Variants in PTPRM observed in about 807,000 individuals in gnomAD.
PTPRM encodes the protein receptor-type tyrosine-protein phosphatase mu.
PTPRM carries 47 observed loss-of-function variants against 186.7 expected under a neutral mutation model. That is an observed-to-expected ratio of 0.25 (90% CI 0.20 to 0.32). The LOEUF is 0.32. PTPRM is among the 10% of genes least tolerant of loss of function. The pLI is 1.00. For missense variants in PTPRM, 1,494 were observed against 1,865.0 expected, an observed-to-expected ratio of 0.80 and a Z score of 3.66; for synonymous variants, 668 against 674.9, an observed-to-expected ratio of 0.99 and a Z score of 0.16.
intron 7 of PTPRM, among the ~76,000 whole-genome samples, chr18:8,016,552 A>G (rs1047186528): frequency 2.2e-4 from 33 of 150,992 alleles, no homozygotes; most frequent in African/African-American, 6.4e-4. Flanking sequence ...AAAAAGAAAA[A>G]AAAGAAAAGA....
At chr18:7,833,438 G>A (rs1259789506) in intron 2 of PTPRM, among the ~76,000 whole-genome samples, 1 of 152,056 alleles carries the variant, frequency 6.6e-6, no homozygotes, top group Non-Finnish European at 1.5e-5. Flanking sequence ...GTATAGGAAT[G>A]CATATTGATT....
intron 14 of PTPRM, among the ~76,000 whole-genome samples, chr18:8,164,940 G>A (rs1319578729): frequency 6.6e-6 from 1 of 152,172 alleles, no homozygotes. Context: ...CAAGGTGGGC[G>A]GATCACTAGG....
intron 2 of PTPRM, among the ~76,000 whole-genome samples, chr18:7,794,365 A>G (rs1391207251): frequency 1.3e-5 from 2 of 152,204 alleles, no homozygotes; most frequent in African/African-American, 4.8e-5. Flanking sequence ...GCCTGTCTGT[A>G]TGCTCCCCTA....
At chr18:8,221,931 A>G (rs2094158029) in intron 14 of PTPRM, among the ~76,000 whole-genome samples, 1 of 152,194 alleles carries the variant, frequency 6.6e-6, no homozygotes, top group South Asian at 2.1e-4. Context: ...ACCACACTGT[A>G]CCCAGTTCAT....
chr18:7,753,925 C>T (rs1328339568), intron 1 of PTPRM, among the ~76,000 whole-genome samples: 2 of 151,806 alleles, frequency 1.3e-5, no homozygotes, highest in East Asian at 1.9e-4. Flanking sequence ...CTCACCTTTT[C>T]CCCCCTTCTC....
intron 5 of PTPRM, among the ~76,000 whole-genome samples, chr18:7,928,648 A>G (rs1367837427): frequency 1.3e-5 from 2 of 152,226 alleles, no homozygotes; most frequent in African/African-American, 4.8e-5. Flanking sequence ...TATTTATGAT[A>G]TTACTTGAGA....
chr18:7,906,859 G>T (rs893993164), intron 4 of PTPRM, among the ~76,000 whole-genome samples: 1 of 152,156 alleles, frequency 6.6e-6, no homozygotes, highest in African/African-American at 2.4e-5. Context: ...CTGTTTATTT[G>T]TTGCCGTGGT....
At chr18:7,609,874 A>T (rs139703177) in intron 1 of PTPRM, among the ~76,000 whole-genome samples, 1 of 152,308 alleles carries the variant, frequency 6.6e-6, no homozygotes, top group African/African-American at 2.4e-5. Context: ...AATTTTGCTA[A>T]TGATGGCTGC....
intron 13 of PTPRM, among the ~76,000 whole-genome samples, chr18:8,120,911 C>A (rs16952902): frequency 0.047 from 7,115 of 152,168 alleles, 229 homozygotes; most frequent in Middle Eastern, 0.17. Flanking sequence ...TAGTCTATGA[C>A]CAAACAAAAA....
intron 11 of PTPRM, among the ~76,000 whole-genome samples, chr18:8,107,124 T>C (rs931787208): frequency 7.9e-5 from 12 of 152,230 alleles, no homozygotes; most frequent in Non-Finnish European, 1.6e-4. Context: ...GTAACTAATT[T>C]TGGATTATAC....
intron 22 of PTPRM, among the ~76,000 whole-genome samples, chr18:8,327,199 C>T (rs1489954732): frequency 6.6e-6 from 1 of 152,224 alleles, no homozygotes; most frequent in South Asian, 2.1e-4. Context: ...GACCTTATCA[C>T]CGCCATCACT....
intron 7 of PTPRM, among the ~76,000 whole-genome samples, chr18:7,962,431 G>A (rs1310870240): frequency 6.6e-6 from 1 of 152,106 alleles, no homozygotes; most frequent in Non-Finnish European, 1.5e-5. Flanking sequence ...ATATCTCTCA[G>A]TGTGCCTTAT....
chr18:7,724,795 T>G (rs567650997), intron 1 of PTPRM, among the ~76,000 whole-genome samples: 3 of 152,356 alleles, frequency 2.0e-5, no homozygotes, highest in Admixed American at 2.0e-4. Flanking sequence ...TTAAAATGTG[T>G]AGGGCAGTGG....
intron 13 of PTPRM, among the ~76,000 whole-genome samples, chr18:8,116,842 A>G (rs1008139606): frequency 1.3e-5 from 2 of 152,186 alleles, no homozygotes; most frequent in Admixed American, 6.5e-5. Context: ...TGATTGACTA[A>G]ATATTCCCCA....
At chr18:7,903,208 G>T (rs993191759) in intron 3 of PTPRM, among the ~76,000 whole-genome samples, 15 of 152,246 alleles carry the variant, frequency 9.9e-5, no homozygotes, top group Non-Finnish European at 2.1e-4. Flanking sequence ...ATGAATGAAT[G>T]CATGGATGAA....
chr18:8,220,571 G>C (rs995289324), intron 14 of PTPRM, among the ~76,000 whole-genome samples: 3 of 152,228 alleles, frequency 2.0e-5, no homozygotes, highest in African/African-American at 7.2e-5. Flanking sequence ...ATAAAACACA[G>C]TGTGTGGTGG....
intron 19 of PTPRM, among the ~76,000 whole-genome samples, chr18:8,278,781 C>T (rs953264838): frequency 1.4e-4 from 21 of 152,104 alleles, no homozygotes; most frequent in Admixed American, 6.6e-4. Flanking sequence ...TACAAGTCTG[C>T]GTATCCCAAT....
intron 1 of PTPRM, among the ~76,000 whole-genome samples, chr18:7,626,578 G>C (rs1233378885): frequency 6.6e-6 from 1 of 152,196 alleles, no homozygotes; most frequent in African/African-American, 2.4e-5. Flanking sequence ...ACAGCTGGTG[G>C]CTTCACAAAG....
At chr18:8,375,925 A>G (rs1218291889) in intron 24 of PTPRM, 121 bp from the exon 25 acceptor site, 9 of 1,068,990 alleles carry the variant, frequency 8.4e-6, no homozygotes, top group Non-Finnish European at 1.2e-5. Flanking sequence ...CCAGCAGTCC[A>G]CTGTTTCCTG....
Sources: gnomAD v4.1 joint callset for allele counts (sites outside exome capture counted in the v4.1 genomes callset) on GRCh38, gnomAD v4.1.1 for gene constraint, MANE v1.5 for transcripts, NCBI Gene and HGNC (gene_info 2026-07-23, HGNC 2026-07-21) for gene names.